KCNIP4: variants seen among roughly 807,000 people sequenced by gnomAD.
The protein encoded by KCNIP4 is Kv channel-interacting protein 4.
In KCNIP4, 12 loss-of-function variants were observed where a neutral mutation model predicts 34.0. The ratio of observed to expected loss-of-function variants is 0.35; its 90% CI spans 0.23 to 0.57. The LOEUF (loss-of-function observed/expected upper bound fraction) is 0.57. Among genes scored for constraint, KCNIP4 ranks in the 20% least tolerant of loss-of-function variants. The probability of loss-of-function intolerance (pLI) is 0.83; values close to 1 mark genes in which losing one functional copy is unlikely to be tolerated. For missense variants in KCNIP4, 238 were observed against 311.7 expected (o/e 0.76, Z 1.78); for synonymous variants, 124 against 102.2 (o/e 1.21, Z -1.29).
rs181320127 is a variant in KCNIP4, at chr4:20,855,583, C to T, written c.164-4916G>A. 3.6e-3 allele frequency among the ~76,000 whole-genome samples: 547 copies of T among 152,150 alleles called. 3 individuals are homozygous for T. The highest frequency in any genetic ancestry group is 0.013 in the African/African-American group (520 of 41,500). ...CTGCCTCACTGAGAGCATTGAGGGG[C>T]CAAAGCTCTCACTTGGCAAGGAAGA... On this transcript the variant is annotated intron_variant, in intron 2 of 8. Coordinates refer to ENST00000382152, the MANE Select transcript of KCNIP4 (RefSeq NM_025221.6).
chr4:21,599,098 C>T (rs760266253), intron 1 of KCNIP4, among the ~76,000 whole-genome samples: 2 of 152,078 alleles, frequency 1.3e-5, no homozygotes, highest in African/African-American at 4.8e-5. Flanking sequence ...CAACACTATT[C>T]CTCCTCTGTT....
chr4:21,215,949 G>A (rs1033343909), intron 1 of KCNIP4, among the ~76,000 whole-genome samples: 7 of 152,034 alleles, frequency 4.6e-5, no homozygotes, highest in African/African-American at 1.4e-4. Context: ...CCAAGTAGCT[G>A]GGACCACAGG....
intron 1 of KCNIP4, among the ~76,000 whole-genome samples, chr4:21,361,775 A>G (rs1719252446): frequency 6.6e-6 from 1 of 152,058 alleles, no homozygotes; most frequent in African/African-American, 2.4e-5. Context: ...GTAATCCTAG[A>G]AAATTTATAA....
chr4:21,400,724 T>C (rs1463287466), intron 1 of KCNIP4, among the ~76,000 whole-genome samples: 1 of 152,138 alleles, frequency 6.6e-6, no homozygotes, highest in African/African-American at 2.4e-5. Context: ...GAATATATAA[T>C]TAAAATTCTA....
intron 1 of KCNIP4, among the ~76,000 whole-genome samples, chr4:21,221,905 T>A (rs1375407793): frequency 6.6e-6 from 1 of 152,228 alleles, no homozygotes; most frequent in African/African-American, 2.4e-5. Context: ...TGATCCTTTT[T>A]CCTGTTCCTG....
chr4:21,636,205 G>A (rs1446602376), intron 1 of KCNIP4, among the ~76,000 whole-genome samples: 1 of 150,820 alleles, frequency 6.6e-6, no homozygotes, highest in Non-Finnish European at 1.5e-5. Flanking sequence ...CGAGTTAGTG[G>A]GTGCAGCGCA....
intron 1 of KCNIP4, among the ~76,000 whole-genome samples, chr4:21,927,850 C>T (rs1340363081): frequency 2.6e-5 from 4 of 151,928 alleles, no homozygotes; most frequent in Non-Finnish European, 5.9e-5. Context: ...GCTGCATGAG[C>T]CTCAGTCCCT....
chr4:21,510,108 A>G (rs2109917980), intron 1 of KCNIP4, among the ~76,000 whole-genome samples: 1 of 150,640 alleles, frequency 6.6e-6, no homozygotes, highest in Non-Finnish European at 1.5e-5. Context: ...AAAGGCAGCA[A>G]TCTGTCTCAT....
intron 1 of KCNIP4, among the ~76,000 whole-genome samples, chr4:21,145,326 A>G (rs1050821439): frequency 5.9e-5 from 9 of 152,164 alleles, no homozygotes; most frequent in Admixed American, 1.3e-4. Flanking sequence ...AATTATTCAG[A>G]GTTTCATGGA....
chr4:21,890,892 A>T (rs1657071337), intron 1 of KCNIP4, among the ~76,000 whole-genome samples: 1 of 152,100 alleles, frequency 6.6e-6, no homozygotes, highest in African/African-American at 2.4e-5. Context: ...TATTAAGAAG[A>T]CTTACATACA....
Position 21,177,858 on chromosome 4 carries a change from T to TTATATATATATA in KCNIP4, c.62-295161_62-295150dup, listed in dbSNP as rs3080785. On this transcript the variant is annotated intron_variant, in intron 1 of 8. Transcript: ENST00000382152. The stretch of plus-strand genomic sequence containing the variant: ...GCAAGACTATGTCTCAAAAAAAAAA[T>TTATATATATATA]TATATATATATATATATATAAAATA... Among the ~76,000 whole-genome samples, 275 of 139,302 alleles carry TTATATATATATA rather than the reference T, an allele frequency of 2.0e-3. 4 individuals are homozygous for TTATATATATATA. Among genetic ancestry groups the TTATATATATATA allele is most frequent in the African/African-American group, 7.0e-3 (257 of 36,816 alleles). The allele number at this position is 139,302 out of a possible 152,430, so 91.4% of individuals were successfully genotyped here. A position where few individuals can be genotyped will look rare whatever the true frequency, so the allele number is the denominator to read the frequency against.
chr4:21,237,487 C>T (rs774139866), intron 1 of KCNIP4, among the ~76,000 whole-genome samples: 6 of 151,714 alleles, frequency 4.0e-5, no homozygotes, highest in Admixed American at 2.0e-4. Flanking sequence ...AAAGTAGCTG[C>T]CTGTTAAAGA....
chr4:21,422,575 C>CT (rs1725571392), intron 1 of KCNIP4, among the ~76,000 whole-genome samples: 1 of 151,790 alleles, frequency 6.6e-6, no homozygotes, highest in South Asian at 2.1e-4. Flanking sequence ...ATAAAGCAAT[C>CT]TTGGGGGTGA....
intron 2 of KCNIP4, among the ~76,000 whole-genome samples, chr4:20,866,796 C>T (rs774632498): frequency 2.6e-5 from 4 of 152,032 alleles, no homozygotes; most frequent in Non-Finnish European, 4.4e-5. Flanking sequence ...AATTGATAAA[C>T]AACTTTAGTA....
chr4:21,594,930 A>T (rs1487835931), intron 1 of KCNIP4, among the ~76,000 whole-genome samples: 1 of 152,074 alleles, frequency 6.6e-6, no homozygotes, highest in Non-Finnish European at 1.5e-5. Context: ...GGTTTTGGTC[A>T]TGAAAAGTAA....
chr4:21,094,001 G>A (rs1747243867), intron 1 of KCNIP4, among the ~76,000 whole-genome samples: 2 of 151,972 alleles, frequency 1.3e-5, no homozygotes, highest in Admixed American at 1.3e-4. Flanking sequence ...AGAATGGGGT[G>A]AACCCGGGAG....
intron 1 of KCNIP4, among the ~76,000 whole-genome samples, chr4:21,399,629 A>G (rs1375097533): frequency 6.6e-6 from 1 of 150,382 alleles, no homozygotes; most frequent in Non-Finnish European, 1.5e-5. Context: ...AGGCTTGGTT[A>G]AATTTGAATT....
intron 1 of KCNIP4, among the ~76,000 whole-genome samples, chr4:20,931,801 A>T (rs1011398365): frequency 2.0e-5 from 3 of 152,046 alleles, no homozygotes; most frequent in African/African-American, 7.2e-5. Flanking sequence ...AAATGAGATG[A>T]AGGTCAAAGT....
chr4:21,502,666 C>T (rs548233163), intron 1 of KCNIP4, among the ~76,000 whole-genome samples: 1 of 152,188 alleles, frequency 6.6e-6, no homozygotes, highest in South Asian at 2.1e-4. Flanking sequence ...CTCCAGGCTC[C>T]TCCATTTCAG....
Sources: allele counts gnomAD v4.1 joint callset (sites outside exome capture counted in the v4.1 genomes callset), GRCh38; gene constraint gnomAD v4.1.1; transcripts MANE v1.5; gene names NCBI Gene and HGNC (gene_info 2026-07-23, HGNC 2026-07-21).